The following THSD7B variants were observed in gnomAD, a reference collection of about 807,000 sequenced individuals.
The protein encoded by THSD7B is thrombospondin type-1 domain-containing protein 7B.
THSD7B carries 138 observed loss-of-function variants against 213.6 expected under a neutral mutation model. That is an observed-to-expected ratio of 0.65 (90% CI 0.56 to 0.74). The LOEUF (loss-of-function observed/expected upper bound fraction) is 0.74, where lower values mean the gene tolerates loss of function less well. Ranked by LOEUF, THSD7B falls within the 30% of genes least tolerant of loss-of-function variation. The pLI, the probability that THSD7B is intolerant of heterozygous loss-of-function variation, is 0.00. For synonymous variants in THSD7B, 742 were observed against 687.0 expected, an observed-to-expected ratio of 1.08 and a Z score of -1.25; for missense variants, 1,931 against 1,991.5, an observed-to-expected ratio of 0.97 and a Z score of 0.58.
intron 2 of THSD7B, among the ~76,000 whole-genome samples, chr2:136,906,852 A>G (rs1684169718): frequency 6.7e-6 from 1 of 149,824 alleles, no homozygotes; most frequent in African/African-American, 2.5e-5. Context: ...TGTGAAAATT[A>G]TTCTTAAACT....
At chr2:137,241,524 T>A (rs549537590) in intron 9 of THSD7B, among the ~76,000 whole-genome samples, 2 of 152,312 alleles carry the variant, frequency 1.3e-5, no homozygotes, top group South Asian at 4.1e-4. Flanking sequence ...AAAATCAATA[T>A]CTTCTTCCTT....
intron 10 of THSD7B, among the ~76,000 whole-genome samples, chr2:137,261,775 T>A (rs1682457396): frequency 6.6e-6 from 1 of 152,206 alleles, no homozygotes; most frequent in Admixed American, 6.5e-5. Flanking sequence ...CCTTTAGTCA[T>A]GTTTTACAAC....
chr2:137,221,308 A>C (rs1268473543), intron 7 of THSD7B, among the ~76,000 whole-genome samples: 2 of 152,102 alleles, frequency 1.3e-5, no homozygotes, highest in Non-Finnish European at 2.9e-5. Flanking sequence ...AAACAAAAAC[A>C]AAAACAAAAA....
At chr2:137,448,782 G>C (rs6710502) in intron 14 of THSD7B, among the ~76,000 whole-genome samples, 12,715 of 151,124 alleles carry the variant, frequency 0.084, 1,166 homozygotes, top group African/African-American at 0.23. Flanking sequence ...CTGGGCGACA[G>C]AGCGAGACTC....
At chr2:137,187,742 A>G (rs74599044) in intron 7 of THSD7B, among the ~76,000 whole-genome samples, 3,499 of 152,308 alleles carry the variant, frequency 0.023, 135 homozygotes, top group African/African-American at 0.08. Flanking sequence ...TTTGGTGGTT[A>G]GATAATATCT....
chr2:136,837,731 A>G (rs1310964216), intron 1 of THSD7B, among the ~76,000 whole-genome samples: 2 of 152,232 alleles, frequency 1.3e-5, no homozygotes, highest in Admixed American at 1.3e-4. Context: ...TGACTCAATG[A>G]TGGAATTACA....
chr2:137,579,478 G>T (rs1312343913), intron 17 of THSD7B, among the ~76,000 whole-genome samples: 1 of 152,098 alleles, frequency 6.6e-6, no homozygotes, highest in Non-Finnish European at 1.5e-5. Context: ...ATAATCATGT[G>T]AGCCAATTCC....
chr2:136,791,942 T>A (rs994087459), intron 1 of THSD7B, among the ~76,000 whole-genome samples: 1 of 152,076 alleles, frequency 6.6e-6, no homozygotes, highest in Non-Finnish European at 1.5e-5. Flanking sequence ...TGTTTAACCT[T>A]TTGAAGAATT....
intron 15 of THSD7B, among the ~76,000 whole-genome samples, chr2:137,499,422 A>T (rs573626283): frequency 8.5e-4 from 129 of 152,354 alleles, no homozygotes; most frequent in African/African-American, 3.1e-3. Context: ...TAATACCATC[A>T]TATCAATGCT....
chr2:137,332,028 C>T (rs2104894973), intron 12 of THSD7B, among the ~76,000 whole-genome samples: 1 of 152,316 alleles, frequency 6.6e-6, no homozygotes, highest in African/African-American at 2.4e-5. Flanking sequence ...CCGGCTCCGG[C>T]CTTGGCCAGC....
rs530164752 is a variant in THSD7B at position 137,559,744 on chromosome 2, C to A, written c.3139-3477C>A. Reference sequence around the variant, plus strand: ...CTAATTACACTAAAGAGCTTCTGCACAGCAAAAGAAACTACCATCCAATTG... The same window carrying A: ...CTAATTACACTAAAGAGCTTCTGCAAAGCAAAAGAAACTACCATCCAATTG... On this transcript the variant is annotated intron_variant, in intron 15 of 27. Coordinates refer to ENST00000409968, the MANE Select transcript of THSD7B (RefSeq NM_001316349.2). Among the ~76,000 whole-genome samples the A allele has an allele frequency of 7.2e-5, 11 of 152,290 alleles. No individual in the cohort carries two copies. The South Asian group carries it at 2.3e-3, about 32-fold the overall frequency.
rs1369590638 is a variant in THSD7B, at chr2:137,659,790, T to C, written c.4458+44T>C. ...TCTTCTATAAGTGCATTAATTGCTGTGTTTTACACATGCAATCAGATGTTC... is the reference window on the plus strand; with the variant it reads ...TCTTCTATAAGTGCATTAATTGCTGCGTTTTACACATGCAATCAGATGTTC... On this transcript the variant is annotated intron_variant, in intron 25 of 27. Coordinates refer to ENST00000409968, the MANE Select transcript of THSD7B (RefSeq NM_001316349.2). The C allele has an allele frequency of 7.8e-6, 12 of 1,535,672 alleles. No homozygotes were observed. In the South Asian group the frequency reaches 1.2e-4, roughly 16 times the overall value.
chr2:137,238,654 C>T (rs538267939), intron 9 of THSD7B, among the ~76,000 whole-genome samples: 2 of 145,344 alleles, frequency 1.4e-5, no homozygotes, highest in Non-Finnish European at 3.0e-5. Context: ...CCCGGGTTCA[C>T]GCCATTCTCC....
intron 16 of THSD7B, among the ~76,000 whole-genome samples, chr2:137,564,553 C>G (rs1478730723): frequency 1.3e-5 from 2 of 152,030 alleles, no homozygotes; most frequent in African/African-American, 4.8e-5. Flanking sequence ...GTGTCTTATT[C>G]TCTCATGGTT....
At chr2:137,292,305 G>A (rs1457071191) in intron 12 of THSD7B, among the ~76,000 whole-genome samples, 1 of 152,102 alleles carries the variant, frequency 6.6e-6, no homozygotes, top group East Asian at 1.9e-4. Context: ...CACTTTTTTA[G>A]AGAATCATTT....
intron 17 of THSD7B, among the ~76,000 whole-genome samples, chr2:137,595,664 C>G (rs191155232): frequency 2.0e-5 from 3 of 151,860 alleles, no homozygotes; most frequent in African/African-American, 7.2e-5. Context: ...AGACTTAATC[C>G]CTTTTTGTTG....
At chr2:137,559,017 G>A (rs1318338205) in intron 15 of THSD7B, among the ~76,000 whole-genome samples, 4 of 152,080 alleles carry the variant, frequency 2.6e-5, no homozygotes, top group Non-Finnish European at 5.9e-5. Flanking sequence ...GGGATGTGAA[G>A]GACCTCTTCA....
At chr2:137,572,850 GTCT>G (rs1681384622) in intron 17 of THSD7B, among the ~76,000 whole-genome samples, 2 of 152,088 alleles carry the variant, frequency 1.3e-5, no homozygotes, top group Non-Finnish European at 2.9e-5. Context: ...TGTGAAAGGA[GTCT>G]TCTTTAGTAA....
chr2:137,519,619 G>T (rs1573681094), intron 15 of THSD7B, among the ~76,000 whole-genome samples: 2 of 152,202 alleles, frequency 1.3e-5, no homozygotes, highest in East Asian at 1.9e-4. Context: ...AGCCAGAAAA[G>T]CTGCAAATAA....
Sources: allele counts gnomAD v4.1 joint callset (sites outside exome capture counted in the v4.1 genomes callset), GRCh38; gene constraint gnomAD v4.1.1; transcripts MANE v1.5; gene names NCBI Gene and HGNC (gene_info 2026-07-23, HGNC 2026-07-21).